The following FAM118A variants were observed in gnomAD, a reference collection of about 807,000 sequenced individuals.
FAM118A encodes the protein protein FAM118A.
A neutral mutation model predicts 38.2 loss-of-function variants in FAM118A; 25 were observed. The observed-to-expected ratio is 0.65, with a 90% CI of 0.48 to 0.91. The LOEUF (loss-of-function observed/expected upper bound fraction) is 0.91, where lower values mean the gene tolerates loss of function less well. FAM118A is among the 40% of genes least tolerant of loss of function. The probability of loss-of-function intolerance (pLI) is 0.00; values close to 1 mark genes in which losing one functional copy is unlikely to be tolerated. For synonymous variants in FAM118A, 178 were observed against 184.1 expected (o/e 0.97, Z 0.27); for missense variants, 425 against 463.3 (o/e 0.92, Z 0.76).
intron 1 of FAM118A, among the ~76,000 whole-genome samples, chr22:45,314,308 A>G (rs570548993): frequency 9.8e-5 from 15 of 152,332 alleles, no homozygotes; most frequent in South Asian, 2.1e-4. Flanking sequence ...CGCCTCTTCT[A>G]TCTGCCTAAT....
chr22:45,330,855 AC>A, intron 5 of FAM118A, 124 bp downstream of exon 5: 1 of 1,128,726 alleles, frequency 8.9e-7, no homozygotes, highest in South Asian at 2.9e-5. Context: ...TCGGCCCTGC[AC>A]ACAGTTGCTG....
intron 3 of FAM118A, among the ~76,000 whole-genome samples, chr22:45,323,776 C>T (rs2085058354): frequency 6.6e-6 from 1 of 152,178 alleles, no homozygotes. Context: ...AGCAGGCCGG[C>T]CATATTTCTT....
chr22:45,325,659 C>T (rs1033941364), intron 3 of FAM118A, among the ~76,000 whole-genome samples: 3 of 152,026 alleles, frequency 2.0e-5, no homozygotes, highest in Non-Finnish European at 2.9e-5. Context: ...GTCTTGGTAA[C>T]GATAAGGCCT....
At chr22:45,336,499 C>G in intron 8 of FAM118A, 88 bp downstream of exon 8, 1 of 1,005,164 alleles carries the variant, frequency 9.9e-7, no homozygotes, top group South Asian at 1.4e-5. Context: ...CTTTAATGCC[C>G]CGCGCCCTAT....
At chr22:45,326,105 G>C (rs1243648647) in intron 3 of FAM118A, among the ~76,000 whole-genome samples, 1 of 152,154 alleles carries the variant, frequency 6.6e-6, no homozygotes, top group Non-Finnish European at 1.5e-5. Context: ...TGATACCCAG[G>C]TGCCGAGGCA....
chr22:45,335,533 GC>G, intron 7 of FAM118A, 151 bp downstream of exon 7: 1 of 876,134 alleles, frequency 1.1e-6, no homozygotes, highest in Non-Finnish European at 1.8e-6. Flanking sequence ...AAATAGCCAT[GC>G]CTTAGCATGG....
At chr22:45,328,918 T>A (rs2085507876) in intron 4 of FAM118A, 1 of 158,220 alleles carries the variant, frequency 6.3e-6, no homozygotes, top group African/African-American at 2.4e-5. Flanking sequence ...AAGTTTCCAA[T>A]AGTGGCAGAA....
chr22:45,332,292 G>A, intron 5 of FAM118A, 133 bp from the exon 6 acceptor site: 2 of 871,656 alleles, frequency 2.3e-6, no homozygotes, highest in African/African-American at 2.3e-5. Context: ...CCTTCTAACT[G>A]TGCTCCTCAG....
At chr22:45,326,948 T>C (rs1040594918) in intron 3 of FAM118A, among the ~76,000 whole-genome samples, 86 of 151,028 alleles carry the variant, frequency 5.7e-4, no homozygotes, top group African/African-American at 2.0e-3. Flanking sequence ...AGATCAAGGC[T>C]GCAGAGGGCC....
intron 1 of FAM118A, among the ~76,000 whole-genome samples, chr22:45,319,349 T>TG (rs2084749086): frequency 6.6e-6 from 1 of 151,990 alleles, no homozygotes; most frequent in Admixed American, 6.6e-5. Flanking sequence ...TGGATTATTT[T>TG]GGGGGGCGGG....
At chr22:45,327,729 A>G in intron 3 of FAM118A, 113 bp from the exon 4 acceptor site, 3 of 1,104,636 alleles carry the variant, frequency 2.7e-6, no homozygotes, top group Non-Finnish European at 4.0e-6. Flanking sequence ...GTGAAGCCAG[A>G]TTTTCTTTGT....
chr22:45,331,015 G>T (rs994087744), intron 5 of FAM118A, among the ~76,000 whole-genome samples: 1 of 152,216 alleles, frequency 6.6e-6, no homozygotes, highest in Non-Finnish European at 1.5e-5. Flanking sequence ...CTCTCTAGGA[G>T]CCCTGGCCAT....
chr22:45,316,359 G>A (rs1239150763), intron 1 of FAM118A, among the ~76,000 whole-genome samples: 1 of 152,028 alleles, frequency 6.6e-6, no homozygotes, highest in African/African-American at 2.4e-5. Flanking sequence ...GATTTCTGCC[G>A]CCACACTCTT....
intron 3 of FAM118A, among the ~76,000 whole-genome samples, chr22:45,325,664 A>C (rs1419560177): frequency 6.6e-6 from 1 of 152,136 alleles, no homozygotes; most frequent in East Asian, 1.9e-4. Context: ...GGTAACGATA[A>C]GGCCTTGGGG....
At position 45,324,920 on chromosome 22, in the gene FAM118A, G is replaced by T. The variant is rs370774576; in HGVS notation, c.300+1493G>T. 1.1e-3 allele frequency among the ~76,000 whole-genome samples: 163 copies of T among 152,324 alleles called. 2 individuals carry two copies. Among genetic ancestry groups the T allele is most frequent in the African/African-American group, 3.8e-3 (157 of 41,590 alleles). On this transcript the variant is annotated intron_variant, in intron 3 of 8. Transcript: ENST00000441876. ...AAATTAACCTGGCGTGGTGGCAGGC[G>T]CCTGTAATCCCAGCTACTCAGGAGG...
chr22:45,320,053 G>A (rs916506771), intron 1 of FAM118A, among the ~76,000 whole-genome samples: 3 of 152,160 alleles, frequency 2.0e-5, no homozygotes, highest in African/African-American at 4.8e-5. Flanking sequence ...TTAGCTCTGC[G>A]ATCTAATGAT....
chr22:45,327,471 G>A (rs1418997934), intron 3 of FAM118A, among the ~76,000 whole-genome samples: 1 of 152,152 alleles, frequency 6.6e-6, no homozygotes, highest in Admixed American at 6.5e-5. Flanking sequence ...ACGTACCTGA[G>A]CCGTGACCTC....
At chr22:45,309,651 G>A (rs573399318), upstream of FAM118A, 3 of 152,412 alleles carry the variant, frequency 2.0e-5, no homozygotes, top group East Asian at 3.9e-4. Flanking sequence ...GCCGGGCCAG[G>A]TAGGGCTAGG....
chr22:45,326,807 A>G (rs1292414444), intron 3 of FAM118A, among the ~76,000 whole-genome samples: 2 of 146,146 alleles, frequency 1.4e-5, no homozygotes, highest in African/African-American at 5.1e-5. Context: ...CCTGGGTGAC[A>G]GAGCAAGACT....
Sources: allele counts gnomAD v4.1 joint callset (sites outside exome capture counted in the v4.1 genomes callset), GRCh38; gene constraint gnomAD v4.1.1; transcripts MANE v1.5; gene names NCBI Gene and HGNC (gene_info 2026-07-23, HGNC 2026-07-21).